CNTNAP2: variants seen among roughly 807,000 people sequenced by gnomAD.
The protein encoded by CNTNAP2 is contactin-associated protein-like 2.
A neutral mutation model predicts 155.2 loss-of-function variants in CNTNAP2; 98 were observed. The ratio of observed to expected loss-of-function variants is 0.63; its 90% CI spans 0.54 to 0.75. CNTNAP2 has a LOEUF of 0.75. Ranked by LOEUF, CNTNAP2 falls within the 30% of genes least tolerant of loss-of-function variation. The pLI is 0.00. For synonymous variants in CNTNAP2, 651 were observed against 631.2 expected, an observed-to-expected ratio of 1.03 and a Z score of -0.47; for missense variants, 1,727 against 1,688.1, an observed-to-expected ratio of 1.02 and a Z score of -0.40.
At chr7:147,712,896 T>C (rs181425320) in intron 13 of CNTNAP2, among the ~76,000 whole-genome samples, 1 of 152,078 alleles carries the variant, frequency 6.6e-6, no homozygotes, top group South Asian at 2.1e-4. Flanking sequence ...AGTATAATAA[T>C]AAAAAAATTT....
At chr7:146,996,486 T>G (rs192398680) in intron 3 of CNTNAP2, among the ~76,000 whole-genome samples, 155 of 152,164 alleles carry the variant, frequency 1.0e-3, no homozygotes, top group African/African-American at 3.5e-3. Flanking sequence ...AGGAGATTAT[T>G]TTCTTGATTT....
At chr7:146,226,861 AT>A (rs906815849) in intron 1 of CNTNAP2, among the ~76,000 whole-genome samples, 1 of 152,018 alleles carries the variant, frequency 6.6e-6, no homozygotes, top group Non-Finnish European at 1.5e-5. Context: ...GAAATCATGA[AT>A]TTTTTTATTT....
intron 14 of CNTNAP2, among the ~76,000 whole-genome samples, chr7:147,905,620 C>T (rs563948909): frequency 9.8e-4 from 150 of 152,288 alleles, no homozygotes; most frequent in African/African-American, 3.5e-3. Context: ...TAGTGGCTCA[C>T]GCCTATAATC....
chr7:147,839,143 C>T (rs891772661), intron 13 of CNTNAP2, among the ~76,000 whole-genome samples: 2 of 152,150 alleles, frequency 1.3e-5, no homozygotes, highest in Non-Finnish European at 2.9e-5. Flanking sequence ...TTTCCACGTT[C>T]TTCTGCCTGC....
intron 1 of CNTNAP2, among the ~76,000 whole-genome samples, chr7:146,488,487 A>G (rs1797091564): frequency 6.6e-6 from 1 of 151,946 alleles, no homozygotes; most frequent in African/African-American, 2.4e-5. Flanking sequence ...TTTTAAAACC[A>G]AACTCTCTAT....
intron 11 of CNTNAP2, among the ~76,000 whole-genome samples, chr7:147,535,384 T>G (rs924630528): frequency 2.0e-5 from 3 of 151,936 alleles, no homozygotes; most frequent in African/African-American, 7.3e-5. Context: ...AGAGTGAGAC[T>G]CTGTCTCAGA....
At chr7:147,556,260 GTTA>G (rs1799950533) in intron 11 of CNTNAP2, among the ~76,000 whole-genome samples, 1 of 141,576 alleles carries the variant, frequency 7.1e-6, no homozygotes, top group South Asian at 2.3e-4. Flanking sequence ...CTTAATAAAA[GTTA>G]TTCTTTAAAT....
intron 9 of CNTNAP2, among the ~76,000 whole-genome samples, chr7:147,365,383 G>GAAAAAAAAAAAAAAAAAAAAAAAA (rs10557373): frequency 1.1e-5 from 1 of 93,638 alleles, no homozygotes; most frequent in African/African-American, 4.3e-5. Context: ...ATCTCAAAAA[G>GAAAAAAAAAAAAAAAAAAAAAAAA]AAAAAAAAAA....
At chr7:146,588,969 A>T (rs1028403103) in intron 1 of CNTNAP2, among the ~76,000 whole-genome samples, 2 of 151,294 alleles carry the variant, frequency 1.3e-5, no homozygotes, top group African/African-American at 2.4e-5. Context: ...ATAAAAAAAA[A>T]GTTAAAATTT....
chr7:148,248,832 G>A (rs765556157), intron 20 of CNTNAP2, among the ~76,000 whole-genome samples: 1 of 152,046 alleles, frequency 6.6e-6, no homozygotes, highest in African/African-American at 2.4e-5. Context: ...ATTCCCTCTA[G>A]GAAGACAGCA....
At chr7:146,998,064 C>T (rs780941755) in intron 3 of CNTNAP2, among the ~76,000 whole-genome samples, 1 of 151,470 alleles carries the variant, frequency 6.6e-6, no homozygotes, top group African/African-American at 2.4e-5. Flanking sequence ...TTTATTATTT[C>T]CTCCCTTCCT....
chr7:146,707,780 C>G (rs1382005821), intron 1 of CNTNAP2, among the ~76,000 whole-genome samples: 1 of 152,068 alleles, frequency 6.6e-6, no homozygotes, highest in Non-Finnish European at 1.5e-5. Context: ...AAGCATTATA[C>G]ATTTGTGTCA....
rs146543319 is a variant in CNTNAP2, at chr7:146,596,284, G to A, written c.98-177987G>A. On this transcript the variant is annotated intron_variant, in intron 1 of 23. Transcript: ENST00000361727. ...CATATCAAATGGATGAGTGATAAGAGGAAACCAACTGCTTTATGACAAGCT... is the reference window on the plus strand; with the variant it reads ...CATATCAAATGGATGAGTGATAAGAAGAAACCAACTGCTTTATGACAAGCT... Among the ~76,000 whole-genome samples, 318 of 152,016 alleles carry A rather than the reference G, an allele frequency of 2.1e-3. 5 individuals are homozygous for A. The highest frequency in any genetic ancestry group is 0.017 in the South Asian group (83 of 4,808).
intron 9 of CNTNAP2, among the ~76,000 whole-genome samples, chr7:147,378,534 A>G (rs1796480161): frequency 6.6e-6 from 1 of 152,066 alleles, no homozygotes; most frequent in African/African-American, 2.4e-5. Flanking sequence ...GTTCTCACTC[A>G]TTTGTGGGAG....
At chr7:146,344,434 T>A (rs546429532) in intron 1 of CNTNAP2, among the ~76,000 whole-genome samples, 1 of 152,298 alleles carries the variant, frequency 6.6e-6, no homozygotes, top group East Asian at 1.9e-4. Context: ...GCAGTGTTGC[T>A]ATCTGTTAAT....
At chr7:146,583,151 GA>G (rs1448434247) in intron 1 of CNTNAP2, among the ~76,000 whole-genome samples, 1 of 151,986 alleles carries the variant, frequency 6.6e-6, no homozygotes, top group Non-Finnish European at 1.5e-5. Flanking sequence ...CTAATAGAAA[GA>G]AAAGAAAACT....
chr7:146,663,724 A>G (rs922958218), intron 1 of CNTNAP2, among the ~76,000 whole-genome samples: 4 of 152,196 alleles, frequency 2.6e-5, no homozygotes, highest in Admixed American at 6.5e-5. Context: ...TGACCTTGGT[A>G]TACTCACTAG....
At chr7:147,737,412 G>T (rs1796872086) in intron 13 of CNTNAP2, among the ~76,000 whole-genome samples, 1 of 152,140 alleles carries the variant, frequency 6.6e-6, no homozygotes, top group Admixed American at 6.5e-5. Flanking sequence ...ACCCGGCCGG[G>T]TGAGGTGTCA....
chr7:146,856,796 T>C (rs902582289), intron 3 of CNTNAP2, among the ~76,000 whole-genome samples: 3 of 151,996 alleles, frequency 2.0e-5, no homozygotes, highest in Admixed American at 6.6e-5. Context: ...CAAACCAAAA[T>C]TGAAGAATAT....
Sources: allele counts gnomAD v4.1 joint callset (sites outside exome capture counted in the v4.1 genomes callset), GRCh38; gene constraint gnomAD v4.1.1; transcripts MANE v1.5; gene names NCBI Gene and HGNC (gene_info 2026-07-23, HGNC 2026-07-21).